The following CSMD1 variants were observed in gnomAD, a reference collection of about 807,000 sequenced individuals.
CSMD1 encodes CUB and Sushi multiple domains 1, also known as CUB and sushi domain-containing protein 1.
A neutral mutation model predicts 417.5 loss-of-function variants in CSMD1; 213 were observed. That is an observed-to-expected ratio of 0.51 (90% CI 0.46 to 0.57). The LOEUF is 0.57. CSMD1 is among the 20% of genes least tolerant of loss of function. CSMD1 has a pLI of 0.00. For synonymous variants in CSMD1, 2,862 were observed against 1,736.8 expected (o/e 1.65, Z -16.11); for missense variants, 6,923 against 4,529.7 (o/e 1.53, Z -15.17).
chr8:4,655,500 T>C (rs1394358741), intron 1 of CSMD1, among the ~76,000 whole-genome samples: 1 of 152,150 alleles, frequency 6.6e-6, no homozygotes, highest in East Asian at 1.9e-4. Context: ...TCTATGATGA[T>C]CAGAATTTAA....
intron 1 of CSMD1, among the ~76,000 whole-genome samples, chr8:4,713,226 T>A (rs534468764): frequency 2.0e-5 from 3 of 152,326 alleles, no homozygotes; most frequent in Non-Finnish European, 4.4e-5. Flanking sequence ...TAGTTTCAGA[T>A]TTATTAGCCA....
intron 1 of CSMD1, among the ~76,000 whole-genome samples, chr8:4,809,660 G>A (rs144888484): frequency 6.6e-6 from 1 of 152,138 alleles, no homozygotes; most frequent in African/African-American, 2.4e-5. Flanking sequence ...CTTTTCTAGG[G>A]GCCATATTTA....
intron 1 of CSMD1, among the ~76,000 whole-genome samples, chr8:4,723,846 T>C (rs930960263): frequency 1.3e-5 from 2 of 150,286 alleles, no homozygotes; most frequent in Non-Finnish European, 3.0e-5. Context: ...TGGAGGACCT[T>C]GTAAGGTGTT....
intron 1 of CSMD1, among the ~76,000 whole-genome samples, chr8:4,688,584 T>TGAAC (rs1175467573): frequency 1.3e-5 from 2 of 152,100 alleles, no homozygotes; most frequent in Non-Finnish European, 2.9e-5. Context: ...AGTCAGAGAG[T>TGAAC]GAACACTCCC....
intron 26 of CSMD1, among the ~76,000 whole-genome samples, chr8:3,238,910 T>C (rs1169745030): frequency 6.6e-6 from 1 of 152,036 alleles, no homozygotes; most frequent in African/African-American, 2.4e-5. Flanking sequence ...GAGCAGGGCA[T>C]GTATAAGTAG....
At chr8:4,081,285 C>A (rs975532782) in intron 3 of CSMD1, among the ~76,000 whole-genome samples, 1 of 152,194 alleles carries the variant, frequency 6.6e-6, no homozygotes, top group African/African-American at 2.4e-5. Context: ...CGATTCTCGT[C>A]TCCTAGCAGG....
intron 1 of CSMD1, among the ~76,000 whole-genome samples, chr8:4,866,361 A>C (rs1185261372): frequency 6.6e-6 from 1 of 151,964 alleles, no homozygotes; most frequent in South Asian, 2.1e-4. Context: ...AAAAATAACA[A>C]CTACTGTCTT....
intron 1 of CSMD1, among the ~76,000 whole-genome samples, chr8:4,715,710 A>T (rs73659192): frequency 0.021 from 3,210 of 152,190 alleles, 91 homozygotes; most frequent in East Asian, 0.092. Flanking sequence ...CTCAAACACC[A>T]AGGTATCACC....
chr8:3,241,925 G>GGAGTTTTATTA, intron 26 of CSMD1, among the ~76,000 whole-genome samples: 1 of 150,540 alleles, frequency 6.6e-6, no homozygotes, highest in Non-Finnish European at 1.5e-5. Flanking sequence ...TTTATTTAAT[G>GGAGTTTTATTA]CCGGGAGCAG....
intron 37 of CSMD1, among the ~76,000 whole-genome samples, chr8:3,177,650 T>C (rs1253683891): frequency 6.6e-6 from 1 of 151,746 alleles, no homozygotes; most frequent in Non-Finnish European, 1.5e-5. Context: ...TGGGAAGAAA[T>C]AATAAAAAAA....
chr8:3,799,707 T>G (rs1003483841), intron 5 of CSMD1, among the ~76,000 whole-genome samples: 4 of 151,656 alleles, frequency 2.6e-5, no homozygotes, highest in Non-Finnish European at 5.9e-5. Context: ...GTCTGCCAGC[T>G]GAACGTTTGA....
At chr8:4,052,195 G>A (rs118019764) in intron 3 of CSMD1, among the ~76,000 whole-genome samples, 22,951 of 152,104 alleles carry the variant, frequency 0.15, 1,889 homozygotes, top group South Asian at 0.2. Flanking sequence ...AAAGTGCTGG[G>A]GTTACAGGCA....
chr8:3,935,576 G>A (rs528971490), intron 5 of CSMD1, among the ~76,000 whole-genome samples: 32 of 152,172 alleles, frequency 2.1e-4, no homozygotes, highest in African/African-American at 7.5e-4. Context: ...ACTTGCTATG[G>A]TGATCTGTCA....
At chr8:4,031,648 GTAA>G (rs1797352594) in intron 4 of CSMD1, among the ~76,000 whole-genome samples, 1 of 151,274 alleles carries the variant, frequency 6.6e-6, no homozygotes, top group Admixed American at 6.6e-5. Flanking sequence ...CGTATAACAT[GTAA>G]TATTATATAT....
At chr8:4,522,886 C>T (rs917871514) in intron 2 of CSMD1, among the ~76,000 whole-genome samples, 2 of 152,190 alleles carry the variant, frequency 1.3e-5, no homozygotes, top group African/African-American at 4.8e-5. Flanking sequence ...CAGGAGCTTA[C>T]TTCCATAATC....
chr8:3,364,854 G>A (rs747953207), intron 20 of CSMD1, among the ~76,000 whole-genome samples: 3 of 152,176 alleles, frequency 2.0e-5, no homozygotes, highest in Non-Finnish European at 4.4e-5. Context: ...GTTATGGCAA[G>A]TGGCACAAAC....
chr8:4,274,369 G>C (rs1390225309), intron 3 of CSMD1, among the ~76,000 whole-genome samples: 4 of 152,188 alleles, frequency 2.6e-5, no homozygotes, highest in African/African-American at 7.2e-5. Flanking sequence ...TAAACTATGA[G>C]CACAAAATTA....
At position 3,324,092 on chromosome 8, in the gene CSMD1, G is replaced by T. The variant is rs536789976; in HGVS notation, c.3632-15589C>A. ...CACACCCAACCCCAGAGACCCAGGT[G>T]GGGGAGTTTCCTTCACCCCACCTTT... On this transcript the variant is annotated intron_variant, in intron 23 of 69. Transcript: ENST00000635120. Among the ~76,000 whole-genome samples the T allele has an allele frequency of 1.2e-3, 165 of 140,336 alleles. 4 individuals carry two copies. The highest frequency in any genetic ancestry group is 1.5e-3 in the Non-Finnish European group (96 of 64,874). The allele number at this position is 140,336 out of a possible 152,430, so 92.1% of individuals were successfully genotyped here.
intron 18 of CSMD1, among the ~76,000 whole-genome samples, chr8:3,383,198 T>C (rs538086082): frequency 2.8e-4 from 43 of 152,246 alleles, no homozygotes; most frequent in Non-Finnish European, 6.0e-4. Flanking sequence ...TAGATCATGG[T>C]GATGCTTTCA....
Sources: gnomAD v4.1 joint callset for allele counts (sites outside exome capture counted in the v4.1 genomes callset) on GRCh38, gnomAD v4.1.1 for gene constraint, MANE v1.5 for transcripts, NCBI Gene and HGNC (gene_info 2026-07-23, HGNC 2026-07-21) for gene names.